LDLRAD4: variants seen among roughly 807,000 people sequenced by gnomAD.
LDLRAD4 encodes low density lipoprotein receptor class A domain containing 4, also known as low-density lipoprotein receptor class A domain-containing protein 4.
Under a neutral mutation model 17.0 loss-of-function variants are expected in LDLRAD4, and 5 were observed. The observed-to-expected ratio is 0.29, with a 90% CI of 0.15 to 0.62. The LOEUF (loss-of-function observed/expected upper bound fraction) is 0.62, where lower values mean the gene tolerates loss of function less well. Ranked by LOEUF, LDLRAD4 falls within the 20% of genes least tolerant of loss-of-function variation. The pLI, the probability that LDLRAD4 is intolerant of heterozygous loss-of-function variation, is 0.84. For synonymous variants in LDLRAD4, 168 were observed against 171.8 expected, an observed-to-expected ratio of 0.98 and a Z score of 0.17; for missense variants, 340 against 424.7, an observed-to-expected ratio of 0.80 and a Z score of 1.75.
Position 13,267,056 on chromosome 18 carries a change from A to G in LDLRAD4, c.-466-11049A>G, listed in dbSNP as rs2044260209. 1.3e-5 allele frequency among the ~76,000 whole-genome samples: 2 copies of G among 152,234 alleles called. 1 individual carries two copies. The highest frequency in any genetic ancestry group is 4.1e-4 in the South Asian group (2 of 4,826). On this transcript the variant is annotated intron_variant, in intron 1 of 5. Transcript: ENST00000399848. ...ATGGTGGCAAGGGAGAGGTTTGTGA[A>G]AATATTCTCAGACTGCACTTGTGAA...
chr18:13,265,332 C>T (rs530362547), intron 1 of LDLRAD4, among the ~76,000 whole-genome samples: 30 of 152,278 alleles, frequency 2.0e-4, no homozygotes, highest in African/African-American at 6.7e-4. Flanking sequence ...TGAAGGTCAA[C>T]GCCAAACTTA....
rs554762723 is a variant in LDLRAD4, at chr18:13,605,909, C to T, written c.182-15208C>T. 9.4e-4 allele frequency among the ~76,000 whole-genome samples: 143 copies of T among 152,276 alleles called. 1 individual carries two copies. The highest frequency in any genetic ancestry group is 3.1e-3 in the African/African-American group (129 of 41,564). ...CTGAAATGGTGACATGCACATCACT[C>T]TCCTGGGCATCTGGTTAACATGCAG... On this transcript the variant is annotated intron_variant, in intron 3 of 5. Transcript: ENST00000359446.
chr18:13,410,180 A>T (rs1326403471), intron 2 of LDLRAD4, among the ~76,000 whole-genome samples: 1 of 152,088 alleles, frequency 6.6e-6, no homozygotes, highest in African/African-American at 2.4e-5. Context: ...CTGACATGGC[A>T]TGGGGGGCGC....
rs2084155589 is a variant in LDLRAD4, at chr18:13,367,666, T to G, written c.-382-19675T>G. On this transcript the variant is annotated intron_variant, in intron 1 of 5. Coordinates refer to ENST00000359446, the Ensembl canonical transcript of LDLRAD4. This position sits in a 1 kb window ranked among gnomAD's most constrained non-coding sequence, Gnocchi z 4.1. ...TAGCCCCATCTGCTGTCAAGGAGTG[T>G]GCCGAGAGGGGACAGCCGGGCACGG... Among the ~76,000 whole-genome samples, 1 of 151,712 alleles carries G rather than the reference T, an allele frequency of 6.6e-6. No individual in the cohort carries two copies. Among genetic ancestry groups the G allele is most frequent in the African/African-American group, 2.4e-5 (1 of 41,258 alleles).
intron 1 of LDLRAD4, among the ~76,000 whole-genome samples, chr18:13,271,879 C>T (rs2044567488): frequency 6.7e-6 from 1 of 149,880 alleles, no homozygotes; most frequent in Admixed American, 6.6e-5. Context: ...TCCACCCCAC[C>T]CTCCTGTTCA....
At chr18:13,306,094 A>G (rs2046896238) in intron 1 of LDLRAD4, among the ~76,000 whole-genome samples, 1 of 152,220 alleles carries the variant, frequency 6.6e-6, no homozygotes, top group Non-Finnish European at 1.5e-5. Context: ...TTGAGGAGAA[A>G]GAATATCTGC....
intron 1 of LDLRAD4, among the ~76,000 whole-genome samples, chr18:13,373,054 G>A (rs1351219812): frequency 1.3e-5 from 2 of 152,226 alleles, no homozygotes; most frequent in Admixed American, 6.5e-5. Flanking sequence ...GTGGAGCTGG[G>A]TGTAAGCACA....
At chr18:13,439,288 TA>T (rs1293303381) in intron 3 of LDLRAD4, among the ~76,000 whole-genome samples, 1 of 152,280 alleles carries the variant, frequency 6.6e-6, no homozygotes, top group East Asian at 1.9e-4. Context: ...GGAGGGGATT[TA>T]AAAAAAGAAA....
At chr18:13,504,341 G>A (rs1004185968) in intron 3 of LDLRAD4, among the ~76,000 whole-genome samples, 2 of 152,254 alleles carry the variant, frequency 1.3e-5, no homozygotes, top group Non-Finnish European at 2.9e-5. Context: ...TTTAAGACAA[G>A]TGTCCACGGT....
intron 1 of LDLRAD4, among the ~76,000 whole-genome samples, chr18:13,365,425 A>C (rs1189953430): frequency 2.6e-5 from 4 of 152,196 alleles, no homozygotes; most frequent in Non-Finnish European, 5.9e-5. Flanking sequence ...TGGAAGTGAT[A>C]ATTGTCAATA....
intron 1 of LDLRAD4, among the ~76,000 whole-genome samples, chr18:13,364,320 C>A (rs1471475247): frequency 1.3e-5 from 2 of 151,994 alleles, no homozygotes; most frequent in Admixed American, 6.6e-5. Context: ...GAAAAATGTT[C>A]TATAATGACA....
intron 1 of LDLRAD4, among the ~76,000 whole-genome samples, chr18:13,380,752 T>C (rs1478311753): frequency 2.0e-5 from 3 of 152,338 alleles, no homozygotes; most frequent in Non-Finnish European, 2.9e-5. Flanking sequence ...TTTGAATCGA[T>C]GTTTTGGGTT....
At chr18:13,515,570 T>C (rs2093852664) in intron 3 of LDLRAD4, 1 of 152,260 alleles carries the variant, frequency 6.6e-6, no homozygotes, top group African/African-American at 2.4e-5. Context: ...AGGTTCCTGC[T>C]GTTTTGCCAG....
chr18:13,605,986 T>TC (rs1419205619), intron 3 of LDLRAD4, among the ~76,000 whole-genome samples: 1 of 152,118 alleles, frequency 6.6e-6, no homozygotes, highest in Non-Finnish European at 1.5e-5. Flanking sequence ...TCTCATAAGC[T>TC]CCCAGGGGAT....
intron 1 of LDLRAD4, among the ~76,000 whole-genome samples, chr18:13,260,779 C>CCGGTGA (rs2043775340): frequency 2.0e-5 from 3 of 152,222 alleles, no homozygotes; most frequent in Admixed American, 6.5e-5. Flanking sequence ...ACTGTTCCTT[C>CCGGTGA]CGGTGACTAC....
At chr18:13,295,267 A>G (rs56949933) in intron 1 of LDLRAD4, among the ~76,000 whole-genome samples, 3 of 152,234 alleles carry the variant, frequency 2.0e-5, no homozygotes, top group East Asian at 1.9e-4. Context: ...CTTGCATGAC[A>G]TGCTCACATC....
chr18:13,505,549 G>A (rs116081213), intron 3 of LDLRAD4, among the ~76,000 whole-genome samples: 2,579 of 152,322 alleles, frequency 0.017, 75 homozygotes, highest in African/African-American at 0.06. Context: ...GCCAGGCACG[G>A]TGGCTCACGC....
intron 3 of LDLRAD4, among the ~76,000 whole-genome samples, chr18:13,597,506 T>TTCTCTCTCTC (rs58235384): frequency 1.1e-3 from 166 of 148,154 alleles, no homozygotes; most frequent in African/African-American, 3.8e-3. Context: ...TTCTGCTCAT[T>TTCTCTCTCTC]TCTCTCTCTC....
chr18:13,476,063 C>T (rs1044646872), intron 3 of LDLRAD4, among the ~76,000 whole-genome samples: 16 of 151,964 alleles, frequency 1.1e-4, no homozygotes, highest in African/African-American at 1.9e-4. Flanking sequence ...TGGATTAATC[C>T]GGGGGGACCA....
Sources: gnomAD v4.1 joint callset for allele counts (sites outside exome capture counted in the v4.1 genomes callset) on GRCh38, gnomAD v4.1.1 for gene constraint, Gnocchi (gnomAD v3.1) non-coding constraint, MANE v1.5 for transcripts, NCBI Gene and HGNC (gene_info 2026-07-23, HGNC 2026-07-21) for gene names.